Variants in ZNF841 observed in about 807,000 individuals in gnomAD.
The protein encoded by ZNF841 is zinc finger protein 841.
ZNF841 carries 11 observed loss-of-function variants against 13.0 expected under a neutral mutation model. The observed-to-expected ratio is 0.85, with a 90% CI of 0.53 to 1.40. ZNF841 has a LOEUF of 1.40. Ranked by LOEUF, ZNF841 falls within the 40% of genes most tolerant of loss-of-function variation. The pLI, the probability that ZNF841 is intolerant of heterozygous loss-of-function variation, is 0.00. For missense variants in ZNF841, 1,068 were observed against 1,139.5 expected (o/e 0.94, Z 0.90); for synonymous variants, 369 against 381.6 (o/e 0.97, Z 0.38).
intron 4 of ZNF841, among the ~76,000 whole-genome samples, chr19:52,080,758 T>G (rs146193951): frequency 1.5e-3 from 232 of 152,142 alleles, no homozygotes; most frequent in African/African-American, 5.4e-3. Context: ...AGCAAACATT[T>G]TCAATGAAGA....
chr19:52,090,650 G>GAAAGAAAGAAA (rs1568549553), intron 2 of ZNF841, among the ~76,000 whole-genome samples: 42 of 58,952 alleles, frequency 7.1e-4, no homozygotes, highest in African/African-American at 2.6e-3. Flanking sequence ...AAGGAAGGAA[G>GAAAGAAAGAAA]GAAGGAAAGA....
the ZNF841 span, among the ~76,000 whole-genome samples, chr19:52,059,405 A>G: frequency 9.0e-5 from 13 of 145,164 alleles, no homozygotes; most frequent in Admixed American, 7.7e-4. Flanking sequence ...ACACACACAC[A>G]CACACAGAGA....
intron 5 of ZNF841, 162 bp from the exon 6 acceptor site, chr19:52,076,334 A>C: frequency 2.4e-6 from 2 of 840,716 alleles, no homozygotes; most frequent in Non-Finnish European, 3.5e-6. Context: ...TAAGATGAAG[A>C]TATCTAGCTC....
At chr19:52,077,926 C>CTACA (rs1243394567) in intron 4 of ZNF841, among the ~76,000 whole-genome samples, 1 of 152,146 alleles carries the variant, frequency 6.6e-6, no homozygotes, top group African/African-American at 2.4e-5. Context: ...GGGACGAATG[C>CTACA]TACAGTATAC....
Position 52,084,855 on chromosome 19 carries a change from T to C in ZNF841, c.-54A>G, listed in dbSNP as rs975431208. The C allele has an allele frequency of 6.4e-7, 1 of 1,562,598 alleles. No individual in the cohort carries two copies. The highest frequency in any genetic ancestry group is 2.0e-5 in the Admixed American group (1 of 49,140). ...TCCTGGGCCTCTCTCTCAGTCAATA[T>C]AATTAATTCTTTAAAAGTCAAATCT... On this transcript the variant is annotated 5_prime_UTR_variant, in exon 4 of 7. Transcript: ENST00000594440.
chr19:52,072,650 T>C (rs991944007), intron 6 of ZNF841, among the ~76,000 whole-genome samples: 1 of 152,056 alleles, frequency 6.6e-6, no homozygotes, highest in Non-Finnish European at 1.5e-5. Context: ...GAGACCAGCC[T>C]GGCCAACATA....
intron 1 of ZNF841, among the ~76,000 whole-genome samples, chr19:52,094,909 TTC>T (rs2088620062): frequency 6.6e-6 from 1 of 152,164 alleles, no homozygotes; most frequent in South Asian, 2.1e-4. Context: ...TTTCCATCCG[TTC>T]TCTTTCACTC....
chr19:52,084,710 G>A, intron 4 of ZNF841, 77 bp downstream of exon 4: 1 of 1,531,694 alleles, frequency 6.5e-7, no homozygotes, highest in Non-Finnish European at 9.0e-7. Context: ...TTCAGACTCA[G>A]AGAAGATTTG....
chr19:52,075,015 A>T (rs1369761403), intron 6 of ZNF841, among the ~76,000 whole-genome samples: 2 of 152,236 alleles, frequency 1.3e-5, no homozygotes, highest in Non-Finnish European at 2.9e-5. Flanking sequence ...CTCTGTATGT[A>T]GCAAGATGAT....
chr19:52,094,850 T>TC (rs994972401), intron 1 of ZNF841, among the ~76,000 whole-genome samples: 14 of 152,126 alleles, frequency 9.2e-5, no homozygotes, highest in South Asian at 6.2e-4. Context: ...TCTCTGAAGG[T>TC]CCCCTTTTTT....
intron 6 of ZNF841, among the ~76,000 whole-genome samples, chr19:52,068,398 C>T (rs369422985): frequency 1.3e-5 from 2 of 151,936 alleles, no homozygotes; most frequent in African/African-American, 2.4e-5. Context: ...ACAGGTCAGC[C>T]GGGCACGGTG....
At chr19:52,075,891 G>A (rs902566000) in intron 6 of ZNF841, among the ~76,000 whole-genome samples, 153 bp downstream of exon 6, 4 of 152,194 alleles carry the variant, frequency 2.6e-5, no homozygotes, top group Admixed American at 1.3e-4. Context: ...AAAGTTATAC[G>A]TGTCTGGAAA....
At chr19:52,093,065 G>A (rs902146018) in intron 2 of ZNF841, among the ~76,000 whole-genome samples, 3 of 152,140 alleles carry the variant, frequency 2.0e-5, no homozygotes, top group Non-Finnish European at 4.4e-5. Flanking sequence ...GTAGTGAGCT[G>A]AGATTGCACC....
At chr19:52,076,015 G>T (rs370201812) in intron 6 of ZNF841, 29 bp downstream of exon 6, 2 of 1,550,548 alleles carry the variant, frequency 1.3e-6, no homozygotes, top group South Asian at 2.4e-5. Flanking sequence ...TCATGGTACC[G>T]CTTCCATTGT....
At chr19:52,068,882 G>A (rs542961113) in intron 6 of ZNF841, among the ~76,000 whole-genome samples, 18 of 152,028 alleles carry the variant, frequency 1.2e-4, no homozygotes, top group Middle Eastern at 6.8e-3. Context: ...TGAAGCACGA[G>A]AATCACATAA....
chr19:52,076,214 A>G (rs1433432780), intron 5 of ZNF841, 42 bp from the exon 6 acceptor site: 3 of 1,543,234 alleles, frequency 1.9e-6, no homozygotes, highest in Admixed American at 4.0e-5. Flanking sequence ...CGGTTTTTCC[A>G]GAACCCAGCC....
At chr19:52,088,642 A>G (rs2088369690) in intron 3 of ZNF841, among the ~76,000 whole-genome samples, 1 of 152,214 alleles carries the variant, frequency 6.6e-6, no homozygotes, top group Non-Finnish European at 1.5e-5. Context: ...AACTTCTATA[A>G]TAATTTCATA....
intron 2 of ZNF841, among the ~76,000 whole-genome samples, chr19:52,091,010 C>A (rs2123385819): frequency 1.3e-5 from 2 of 152,286 alleles, no homozygotes; most frequent in Middle Eastern, 6.8e-3. Context: ...CTCCCTATCT[C>A]CTTTACTCAA....
intron 6 of ZNF841, among the ~76,000 whole-genome samples, chr19:52,071,322 A>G (rs1372982528): frequency 6.6e-6 from 1 of 152,210 alleles, no homozygotes; most frequent in African/African-American, 2.4e-5. Flanking sequence ...CTTACAATTC[A>G]ATCCTTAAGA....
Sources: gnomAD v4.1 joint callset for allele counts (sites outside exome capture counted in the v4.1 genomes callset) on GRCh38, gnomAD v4.1.1 for gene constraint, MANE v1.5 for transcripts, NCBI Gene and HGNC (gene_info 2026-07-23, HGNC 2026-07-21) for gene names.